Variants in POU2F3 observed in about 807,000 individuals in gnomAD.
The protein encoded by POU2F3 is POU domain, class 2, transcription factor 3.
Under a neutral mutation model 59.2 loss-of-function variants are expected in POU2F3, and 23 were observed. The ratio of observed to expected loss-of-function variants is 0.39; its 90% confidence interval spans 0.28 to 0.55. The LOEUF is 0.55. POU2F3 is among the 20% of genes least tolerant of loss of function. The pLI, the probability that POU2F3 is intolerant of heterozygous loss-of-function variation, is 0.66. For missense variants in POU2F3, 473 were observed against 544.5 expected, an observed-to-expected ratio of 0.87 and a Z score of 1.31; for synonymous variants, 190 against 214.6, an observed-to-expected ratio of 0.89 and a Z score of 1.00.
chr11:120,285,320 C>T lies in POU2F3; in HGVS notation c.133-12945C>T, dbSNP rs1160886120. Reference sequence around the variant, plus strand: ...CCTGGGTTTTCAGACTTGCTACCAGCCTGCTTCAGGACTGAGTGGGTTGAA... The same window carrying T: ...CCTGGGTTTTCAGACTTGCTACCAGTCTGCTTCAGGACTGAGTGGGTTGAA... On this transcript the variant is annotated intron_variant, in intron 3 of 12. Transcript: ENST00000543440. The surrounding 1 kb of genome is among the most constrained non-coding windows in gnomAD (Gnocchi z 4.3). Among the ~76,000 whole-genome samples, 1 of 152,192 alleles carries T rather than the reference C, an allele frequency of 6.6e-6. No individual in the cohort carries two copies. The highest frequency in any genetic ancestry group is 2.4e-5 in the African/African-American group (1 of 41,440).
intron 3 of POU2F3, among the ~76,000 whole-genome samples, chr11:120,286,809 T>C (rs10790374): frequency 0.41 from 61,943 of 151,996 alleles, 14,851 homozygotes; most frequent in East Asian, 0.86. Flanking sequence ...CCCTTCCTGC[T>C]ATATGTTTGA....
chr11:120,241,326 G>A (rs949156487), intron 1 of POU2F3, among the ~76,000 whole-genome samples: 1 of 152,216 alleles, frequency 6.6e-6, no homozygotes, highest in Non-Finnish European at 1.5e-5. Context: ...CTTTCTGGGA[G>A]AGTAGGGAGG....
chr11:120,282,829 A>G (rs1396387101), intron 3 of POU2F3, among the ~76,000 whole-genome samples: 2 of 152,172 alleles, frequency 1.3e-5, no homozygotes, highest in African/African-American at 4.8e-5. Context: ...ACAGTGTGTG[A>G]TCCTAACAAG....
chr11:120,288,065 T>G (rs1204912625), intron 3 of POU2F3, among the ~76,000 whole-genome samples: 1 of 106,008 alleles, frequency 9.4e-6, no homozygotes, highest in South Asian at 2.9e-4. Context: ...AAAAAAAAAC[T>G]GGGAAAAGCA....
chr11:120,240,951 GCCTT>G lies in POU2F3; in HGVS notation c.28+587_28+590del, dbSNP rs1591367212. 2.0e-5 allele frequency among the ~76,000 whole-genome samples: 3 copies of G among 152,300 alleles called. No individual in the cohort carries two copies. The East Asian group carries it at 5.8e-4, about 29-fold the overall frequency. ...ACATCCTCTGGGTTCCATGTCCCAT[GCCTT>G]CCTTCCCTAAGGGGTGGAAACCTAG... On this transcript the variant is annotated intron_variant, in intron 1 of 12. Transcript: ENST00000543440.
upstream of POU2F3, among the ~76,000 whole-genome samples, chr11:120,237,565 CA>C (rs1938533829): frequency 6.6e-6 from 1 of 152,124 alleles, no homozygotes; most frequent in South Asian, 2.1e-4. Flanking sequence ...AACTAAAGCC[CA>C]GAGAAGAAAT....
At position 120,305,162 on chromosome 11, in the gene POU2F3, A is replaced by G; in HGVS notation, c.577A>G (p.Lys193Glu). The G allele has an allele frequency of 6.2e-7, 1 of 1,613,696 alleles. No homozygotes were observed. Among genetic ancestry groups the G allele is most frequent in the East Asian group, 2.2e-5 (1 of 44,826 alleles). Reference sequence around the variant, plus strand: ...GCCCAGTGACCTCGAGGAGCTGGAGAAGTTTGCCAAGACCTTCAAGCAGAG... The same window carrying G: ...GCCCAGTGACCTCGAGGAGCTGGAGGAGTTTGCCAAGACCTTCAAGCAGAG... ...DEPSDLEELE[K>E]FAKTFKQRRI... The change falls in exon 7 of 13, where the codon AAG becomes GAG. Residue 193 changes from lysine (K) to glutamate (E), a missense_variant. Lys to Glu is a moderately conservative substitution (Grantham distance 56, BLOSUM62 1). Coordinates refer to ENST00000543440, the MANE Select transcript of POU2F3 (RefSeq NM_014352.4).
chr11:120,239,856 C>T (rs898263157), upstream of POU2F3, among the ~76,000 whole-genome samples: 2 of 152,188 alleles, frequency 1.3e-5, no homozygotes, highest in Non-Finnish European at 2.9e-5. Context: ...GAAGGAAGCT[C>T]GGGCTCAGGC....
rs1008954391 is a variant in POU2F3 at position 120,305,575 on chromosome 11, T to C, written c.628-69T>C. 4 of 1,586,914 alleles carry C rather than the reference T, an allele frequency of 2.5e-6. No homozygotes were observed. In the Admixed American group the frequency reaches 5.1e-5, roughly 20 times the overall value. ...GGCTGTGTGATCGATGCTAGGACCA[T>C]GCAGGATGTGGGCAAACAAGAGGAG... On this transcript the variant is annotated intron_variant, in intron 7 of 12. Coordinates refer to ENST00000543440, the MANE Select transcript of POU2F3 (RefSeq NM_014352.4).
chr11:120,266,419 G>C (rs139138556), intron 2 of POU2F3, among the ~76,000 whole-genome samples: 8 of 151,980 alleles, frequency 5.3e-5, no homozygotes, highest in African/African-American at 1.7e-4. Flanking sequence ...AGGTGTAAAG[G>C]CTTAAGTCAG....
At chr11:120,314,704 G>C (rs1359314092) in intron 10 of POU2F3, among the ~76,000 whole-genome samples, 4 of 152,166 alleles carry the variant, frequency 2.6e-5, no homozygotes, top group African/African-American at 9.7e-5. Context: ...ATTGTTCTAG[G>C]ATAGTAACAG....
intron 2 of POU2F3, among the ~76,000 whole-genome samples, chr11:120,260,386 C>T (rs1008932692): frequency 1.3e-5 from 2 of 152,214 alleles, no homozygotes; most frequent in African/African-American, 4.8e-5. Flanking sequence ...TGTTGGTGGG[C>T]ATCCACGGTG....
intron 2 of POU2F3, chr11:120,259,422 G>C (rs545994048): frequency 6.6e-6 from 1 of 152,348 alleles, no homozygotes; most frequent in South Asian, 2.1e-4. Context: ...GGAAAGCCAG[G>C]ATCCATTAGT....
At chr11:120,264,715 A>G (rs1444321014) in intron 2 of POU2F3, among the ~76,000 whole-genome samples, 1 of 152,316 alleles carries the variant, frequency 6.6e-6, no homozygotes, top group East Asian at 1.9e-4. Flanking sequence ...CTGAGATATC[A>G]GGAGGTCCCT....
intron 10 of POU2F3, 93 bp downstream of exon 10, chr11:120,309,679 C>G (rs900602037): frequency 7.2e-5 from 102 of 1,411,456 alleles, no homozygotes; most frequent in Middle Eastern, 2.0e-4. Flanking sequence ...GGGGAGCATC[C>G]AGTAAATAAA....
intron 1 of POU2F3, among the ~76,000 whole-genome samples, chr11:120,242,029 AC>A: frequency 6.6e-6 from 1 of 152,022 alleles, no homozygotes; most frequent in Non-Finnish European, 1.5e-5. Flanking sequence ...ACTGAGCTAA[AC>A]CCCAGGTGGG....
intron 3 of POU2F3, among the ~76,000 whole-genome samples, chr11:120,270,442 A>G (rs1333620821): frequency 6.6e-6 from 1 of 152,234 alleles, no homozygotes; most frequent in Non-Finnish European, 1.5e-5. Flanking sequence ...AGGAGCTCAG[A>G]GCAGACATCA....
At chr11:120,268,778 G>A (rs10892558) in intron 2 of POU2F3, among the ~76,000 whole-genome samples, 20,580 of 152,250 alleles carry the variant, frequency 0.14, 1,760 homozygotes, top group South Asian at 0.37. Flanking sequence ...GGAGGGCTGG[G>A]CTAGTAGCAT....
At chr11:120,270,325 C>A (rs974178712) in intron 3 of POU2F3, among the ~76,000 whole-genome samples, 3 of 152,078 alleles carry the variant, frequency 2.0e-5, no homozygotes, top group Non-Finnish European at 2.9e-5. Context: ...GGGAGAGGGA[C>A]AGACTTACTC....
Sources: allele counts gnomAD v4.1 joint callset (sites outside exome capture counted in the v4.1 genomes callset), GRCh38; gene constraint gnomAD v4.1.1; non-coding constraint Gnocchi (gnomAD v3.1); transcripts MANE v1.5; gene names NCBI Gene and HGNC (gene_info 2026-07-23, HGNC 2026-07-21).